Variants in HTATSF1 observed in about 807,000 individuals in gnomAD.
HTATSF1 encodes 17S U2 SnRNP complex component HTATSF1.
In HTATSF1, 6 loss-of-function variants were observed where a neutral mutation model predicts 46.1. That is an observed-to-expected ratio of 0.13 (90% CI 0.07 to 0.26). The LOEUF (loss-of-function observed/expected upper bound fraction) is 0.26, where lower values mean the gene tolerates loss of function less well. Among genes scored for constraint, HTATSF1 ranks in the 10% least tolerant of loss-of-function variants. The pLI is 1.00. For synonymous variants in HTATSF1, 226 were observed against 211.5 expected (o/e 1.07, Z -0.60); for missense variants, 452 against 559.9 (o/e 0.81, Z 1.94).
In HTATSF1 at chrX:136,511,141, G is replaced by C. The variant is rs1479770568; in HGVS notation, c.1396G>C (p.Glu466Gln). 8.3e-7 allele frequency: 1 copy of C among 1,209,328 alleles called. No individual in the cohort carries two copies. The highest frequency in any genetic ancestry group is 3.0e-5 in the East Asian group (1 of 33,854). ...KEAEEGCPEK[E>Q]SEEGCPKRGF... ...GGCTGAAGAAGGCTGCCCTGAAAAA[G>C]AATCTGAAGAGGGCTGCCCCAAAAG... Residue 466 changes from glutamate (E) to glutamine (Q), a missense_variant, in exon 9 of 9, where the codon GAA becomes CAA. Glu to Gln is a conservative substitution (Grantham distance 29, BLOSUM62 2). Around this residue, in one of 3 missense-constraint regions of HTATSF1, gnomAD observed 246 missense variants for 245.3 expected, o/e 1.00. Transcript: ENST00000218364.
At position 136,510,981 on chromosome X, in the gene HTATSF1, T is replaced by C; in HGVS notation, c.1236T>C (p.Asn412=). Residue 412 remains asparagine (N), a synonymous_variant, in exon 9 of 9, where the codon AAT becomes AAC. Coordinates refer to ENST00000218364, the MANE Select transcript of HTATSF1 (RefSeq NM_014500.5). ...FSEHPSTSKM[N]AQETATGMAF... is the part of the protein sequence containing the mutation. Reference sequence around the variant, plus strand: ...AGCACCCCAGCACATCTAAAATGAATGCTCAAGAAACTGCAACTGGAATGG... The same window carrying C: ...AGCACCCCAGCACATCTAAAATGAACGCTCAAGAAACTGCAACTGGAATGG... 5.0e-6 allele frequency: 6 copies of C among 1,211,567 alleles called. No individual in the cohort carries two copies. In the South Asian group the frequency reaches 1.1e-4, roughly 21 times the overall value.
In HTATSF1 at chrX:136,511,635, G is replaced by A; in HGVS notation, c.1890G>A (p.Glu630=). Reference sequence around the variant, plus strand: ...AAGATTCAGATGAAAAGGAAGAAGAGGAGGATACATATGAAAAAGTATTTG... The same window carrying A: ...AAGATTCAGATGAAAAGGAAGAAGAAGAGGATACATATGAAAAAGTATTTG... ...FDEDSDEKEE[E]EDTYEKVFDD... is the part of the protein sequence containing the mutation. The change falls in exon 9 of 9, where the codon GAG becomes GAA. Residue 630 remains glutamate (E), a synonymous_variant. Transcript: ENST00000218364. The A allele has an allele frequency of 8.3e-7, 1 of 1,210,790 alleles. No homozygotes were observed. Among genetic ancestry groups the A allele is most frequent in the African/African-American group, 1.7e-5 (1 of 57,633 alleles).
rs2075773041 is a variant in HTATSF1, at chrX:136,512,220, G to A, written c.*207G>A. 3.1e-6 allele frequency: 1 copy of A among 322,867 alleles called. No homozygotes were observed. Among genetic ancestry groups the A allele is most frequent in the Non-Finnish European group, 5.3e-6 (1 of 190,331 alleles). The allele number at this position is 322,867 out of a possible 1,213,427, so 26.6% of individuals were successfully genotyped here. A position where few individuals can be genotyped will look rare whatever the true frequency, so the allele number is the denominator to read the frequency against. On this transcript the variant is annotated 3_prime_UTR_variant, in exon 9 of 9. Coordinates refer to ENST00000218364, the MANE Select transcript of HTATSF1 (RefSeq NM_014500.5). The stretch of plus-strand genomic sequence containing the variant: ...TTAAAATGTCATAGTTACAATGCAA[G>A]TAAACTGGATACTTGTTCTTTTGTC...
At position 136,511,216 on chromosome X, in the gene HTATSF1, G is replaced by A. The variant is rs765688071; in HGVS notation, c.1471G>A (p.Val491Ile). 141 of 1,206,682 alleles carry A rather than the reference G, an allele frequency of 1.2e-4. No homozygotes were observed. The highest frequency in any genetic ancestry group is 4.6e-4 in the African/African-American group (26 of 56,772). The change falls in exon 9 of 9, where the codon GTA becomes ATA. Residue 491 changes from valine to isoleucine, a missense_variant. Coordinates refer to ENST00000218364, the MANE Select transcript of HTATSF1 (RefSeq NM_014500.5). ...AAAAGAGTCTGAAGAAGGCAATCCC[G>A]TAAGAGGATCTGAAGAGGATAGTCC... ...SQKESEEGNP[V>I]RGSEEDSPKK...
Position 136,502,831 on chromosome X carries a change from C to G in HTATSF1, c.624C>G (p.Gly208=). The G allele has an allele frequency of 8.5e-7, 1 of 1,170,856 alleles. No homozygotes were observed. Residue 208 remains glycine (G), a synonymous_variant, in exon 5 of 9, where the codon GGC becomes GGG. Transcript: ENST00000218364. ...LKLLDEDEIR[G]YKLHVEVAKF... The stretch of plus-strand genomic sequence containing the variant: ...TTTTGGATGAAGATGAAATTAGAGG[C>G]TACAAATTACATGTTGAGGTGGCAA...
Position 136,511,102 on chromosome X carries a change from A to G in HTATSF1, c.1357A>G (p.Ser453Gly). Residue 453 changes from serine (S) to glycine (G), a missense_variant, in exon 9 of 9, where the codon AGC (serine) becomes GGC (glycine). Physicochemically the swap from Ser to Gly is moderately conservative, Grantham distance 56. Transcript: ENST00000218364. Reference protein sequence around the residue: ...GASENNAKESSPEKEAEEGCP... With the variant: ...GASENNAKESGPEKEAEEGCP... Reference sequence around the variant, plus strand: ...TTCTGAAAACAATGCTAAGGAAAGTAGCCCCGAAAAAGAGGCTGAAGAAGG... The same window carrying G: ...TTCTGAAAACAATGCTAAGGAAAGTGGCCCCGAAAAAGAGGCTGAAGAAGG... 1 of 1,211,555 alleles carries G rather than the reference A, an allele frequency of 8.3e-7. No homozygotes were observed. Among genetic ancestry groups the G allele is most frequent in the South Asian group, 1.8e-5 (1 of 56,889 alleles).
Position 136,497,849 on chromosome X carries a change from C to A in HTATSF1, c.165C>A (p.Asp55Glu). The A allele has an allele frequency of 8.5e-7, 1 of 1,173,651 alleles. No individual in the cohort carries two copies. The highest frequency in any genetic ancestry group is 1.9e-5 in the South Asian group (1 of 52,977). Reference protein sequence around the residue: ...PTDTPYEWDLDKKAWFPKITE... With the variant: ...PTDTPYEWDLEKKAWFPKITE... ...ACACTCCCTACGAGTGGGACCTGGA[C>A]AAAAAGGCTTGGTTCCCCAAGGTAG... Residue 55 changes from aspartate (D) to glutamate (E), a missense_variant, in exon 1 of 9, where the codon GAC (aspartate) becomes GAA (glutamate). Asp to Glu is a conservative substitution (Grantham distance 45). Around this residue, in one of 3 missense-constraint regions of HTATSF1, gnomAD observed 89 missense variants for 92.3 expected, o/e 0.96. Transcript: ENST00000218364.
Position 136,497,644 on chromosome X carries a change from C to T in HTATSF1, c.-41C>T, listed in dbSNP as rs2148519213. The T allele has an allele frequency of 2.7e-6, 3 of 1,112,086 alleles. No individual in the cohort carries two copies. Among genetic ancestry groups the T allele is most frequent in the Middle Eastern group, 2.5e-4 (1 of 3,981 alleles). 91.6% of individuals were successfully genotyped at this position (1,112,086 alleles called of 1,213,427 possible). A position where few individuals can be genotyped will look rare whatever the true frequency, so the allele number is the denominator to read the frequency against. On this transcript the variant is annotated 5_prime_UTR_variant, in exon 1 of 9. Transcript: ENST00000218364. ...CTCAGCTCCAGCGTCATTTCGGCCT[C>T]TTAGTTCTTCTGAACCCTGCTCCTG...
intron 6 of HTATSF1, among the ~76,000 whole-genome samples, chrX:136,504,926 A>G (rs965230592): frequency 1.8e-5 from 2 of 112,371 alleles, no homozygotes; most frequent in Non-Finnish European, 3.8e-5. Flanking sequence ...GTGAATAAGT[A>G]CATCTGTTAT....
In HTATSF1 at chrX:136,508,425, T is replaced by G. The variant is rs934494742; in HGVS notation, c.835-666T>G. Reference sequence around the variant, plus strand: ...GTTATAGGGAGATTTCCACCCGAACTCTAGGCTACTAGAAACAGCAGTACT... The same window carrying G: ...GTTATAGGGAGATTTCCACCCGAACGCTAGGCTACTAGAAACAGCAGTACT... On this transcript the variant is annotated intron_variant, in intron 6 of 8. Coordinates refer to ENST00000218364, the MANE Select transcript of HTATSF1 (RefSeq NM_014500.5). Among the ~76,000 whole-genome samples, 5 of 112,203 alleles carry G rather than the reference T, an allele frequency of 4.5e-5. No homozygotes were observed. The Admixed American group carries it at 4.7e-4, about 11-fold the overall frequency.
At chrX:136,505,384 G>A (rs1395869287) in intron 6 of HTATSF1, among the ~76,000 whole-genome samples, 3 of 111,573 alleles carry the variant, frequency 2.7e-5, no homozygotes, top group Non-Finnish European at 5.6e-5. Context: ...GAATAGTGTT[G>A]TGATAAGGTT....
chrX:136,508,091 T>C (rs1166926648), intron 6 of HTATSF1, among the ~76,000 whole-genome samples: 1 of 112,263 alleles, frequency 8.9e-6, no homozygotes, highest in Non-Finnish European at 1.9e-5. Context: ...TTAAATCAGA[T>C]TTCAGTAACT....
Position 136,502,888 on chromosome X carries a change from A to G in HTATSF1, c.681A>G (p.Ser227=). 1 of 1,164,097 alleles carries G rather than the reference A, an allele frequency of 8.6e-7. No individual in the cohort carries two copies. ...KFQLKGEYDA[S]KKKKKCKDYK... is the part of the protein sequence containing the mutation. ...AACTGAAGGGAGAATATGATGCCTC[A>G]AAGAAGAAGAAGAAGTGCAAAGACT... The change falls in exon 5 of 9, where the codon TCA becomes TCG. Residue 227 remains serine, a synonymous_variant. Coordinates refer to ENST00000218364, the MANE Select transcript of HTATSF1 (RefSeq NM_014500.5).
chrX:136,502,424 A>G (rs1191787508), intron 4 of HTATSF1, among the ~76,000 whole-genome samples: 2 of 111,782 alleles, frequency 1.8e-5, no homozygotes, highest in Non-Finnish European at 3.8e-5. Context: ...TTGAACACCT[A>G]CCATATGTTA....
chrX:136,502,235 C>G (rs969222938), intron 4 of HTATSF1, among the ~76,000 whole-genome samples: 79 of 111,492 alleles, frequency 7.1e-4, no homozygotes, highest in African/African-American at 2.3e-3. Flanking sequence ...ATGGATGAAC[C>G]AAAAAATTAA....
At position 136,497,802 on chromosome X, in the gene HTATSF1, T is replaced by G. The variant is rs186885985; in HGVS notation, c.118T>G (p.Ser40Ala). ...GACCGATGCCGGCGGAGAACCCGAT[T>G]CTCTCGGGCAGCAGCCGACGGACAC... ...TQTDAGGEPD[S>A]LGQQPTDTPY... The change falls in exon 1 of 9, where the codon TCT becomes GCT. Residue 40 changes from serine to alanine, a missense_variant. This residue lies in a region of HTATSF1 where 89 missense variants were observed against 92.3 expected (regional missense o/e 0.96). Transcript: ENST00000218364. 8.3e-7 allele frequency: 1 copy of G among 1,197,928 alleles called. No individual in the cohort carries two copies. Among genetic ancestry groups the G allele is most frequent in the Non-Finnish European group, 1.1e-6 (1 of 886,891 alleles).
chrX:136,510,709 CT>C (rs1405739562), intron 8 of HTATSF1, 98 bp from the exon 9 acceptor site: 2 of 911,331 alleles, frequency 2.2e-6, no homozygotes, highest in African/African-American at 4.1e-5. Flanking sequence ...ATAAGAGATG[CT>C]TTATAAAATT....
At chrX:136,509,339 G>A (rs1414915447) in intron 7 of HTATSF1, among the ~76,000 whole-genome samples, 159 bp downstream of exon 7, 1 of 111,969 alleles carries the variant, frequency 8.9e-6, no homozygotes, top group Non-Finnish European at 1.9e-5. Flanking sequence ...TGAGATGAAC[G>A]TGGATTACAA....
chrX:136,501,190 C>G (rs1461322741), intron 4 of HTATSF1, among the ~76,000 whole-genome samples: 1 of 111,914 alleles, frequency 8.9e-6, no homozygotes, highest in Non-Finnish European at 1.9e-5. Context: ...CAGGGTTCAG[C>G]AAACTCGGGC....
Sources: gnomAD v4.1 joint callset for allele counts (sites outside exome capture counted in the v4.1 genomes callset) on GRCh38, gnomAD v4.1.1 for gene constraint, gnomAD v4.1.1 regional missense constraint, MANE v1.5 for transcripts, NCBI Gene and HGNC (gene_info 2026-07-23, HGNC 2026-07-21) for gene names.